Variants in TAF3 observed in about 807,000 individuals in gnomAD.
TAF3 encodes the protein TATA-box binding protein associated factor 3.
In TAF3, 7 loss-of-function variants were observed where a neutral mutation model predicts 80.6. The ratio of observed to expected loss-of-function variants is 0.09; its 90% CI spans 0.05 to 0.16. The LOEUF (loss-of-function observed/expected upper bound fraction) is 0.16, where lower values mean the gene tolerates loss of function less well. Ranked by LOEUF, TAF3 falls within the 10% of genes least tolerant of loss-of-function variation. The pLI is 1.00. For missense variants in TAF3, 921 were observed against 1,140.2 expected, an observed-to-expected ratio of 0.81 and a Z score of 2.77; for synonymous variants, 444 against 446.1, an observed-to-expected ratio of 1.00 and a Z score of 0.06.
At position 7,850,399 on chromosome 10, in the gene TAF3, G is replaced by A. The variant is rs548666477; in HGVS notation, c.409+25839G>A. Among the ~76,000 whole-genome samples, 12 of 152,276 alleles carry A rather than the reference G, an allele frequency of 7.9e-5. No homozygotes were observed. The South Asian group carries it at 2.3e-3, about 29-fold the overall frequency. On this transcript the variant is annotated intron_variant, in intron 2 of 6. Transcript: ENST00000344293. ...TAAAAACTAATACTATTTAAGGCTG[G>A]GAGCAGTGGCTCATGCCTTTAATCC...
chr10:7,911,240 A>G (rs1335950741), intron 2 of TAF3, among the ~76,000 whole-genome samples: 1 of 152,274 alleles, frequency 6.6e-6, no homozygotes, highest in South Asian at 2.1e-4. Flanking sequence ...GAAGGGACTG[A>G]GTATTCAAAC....
chr10:7,820,636 A>C (rs141172898), intron 1 of TAF3, among the ~76,000 whole-genome samples: 120 of 152,326 alleles, frequency 7.9e-4, no homozygotes, highest in African/African-American at 2.8e-3. Flanking sequence ...CTGGGACTAC[A>C]GGGATACGCC....
At position 8,014,816 on chromosome 10, in the gene TAF3, G is replaced by A; in HGVS notation, c.*65G>A. 3 of 1,418,544 alleles carry A rather than the reference G, an allele frequency of 2.1e-6. No individual in the cohort carries two copies. The highest frequency in any genetic ancestry group is 2.9e-6 in the Non-Finnish European group (3 of 1,045,324). The allele number at this position is 1,418,544 out of a possible 1,614,324, so 87.9% of individuals were successfully genotyped here. ...CTTCTTCCCTGGCGCCTCTGGAAGG[G>A]AGCTGGTGCAAGTCTGCCGTCACAT... On this transcript the variant is annotated 3_prime_UTR_variant, in exon 7 of 7. Transcript: ENST00000344293.
chr10:7,852,295 A>G (rs11255405), intron 2 of TAF3, among the ~76,000 whole-genome samples: 26,192 of 152,048 alleles, frequency 0.17, 2,297 homozygotes, highest in Admixed American at 0.23. Flanking sequence ...CACATTTTAA[A>G]TTTTCTCTCA....
chr10:8,012,777 A>G (rs1265860173), intron 5 of TAF3, among the ~76,000 whole-genome samples: 4 of 152,228 alleles, frequency 2.6e-5, no homozygotes, highest in Non-Finnish European at 5.9e-5. Flanking sequence ...TGGACCCCCA[A>G]TGCACCTGTC....
rs1431744679 is a variant in TAF3, at chr10:7,964,610, A to G, written c.1100A>G (p.Asp367Gly). ...IQVKQIQTPPDAGKLNSENQP... is the reference protein window; with the variant it reads ...IQVKQIQTPPGAGKLNSENQP... ...GTAAAACAAATACAGACACCCCCTG[A>G]TGCTGGGAAACTGAACAGTGAGAAT... is the stretch of plus-strand genomic sequence containing the variant. The change falls in exon 3 of 7, where the codon GAT (aspartate) becomes GGT (glycine). Residue 367 changes from aspartate (D) to glycine (G), a missense_variant. By Grantham distance (94) the Asp-to-Gly change is moderately conservative. This residue lies in a region of TAF3 where 743 missense variants were observed against 821.0 expected (regional missense o/e 0.90). Transcript: ENST00000344293. This position sits in a 1 kb window ranked among gnomAD's most constrained non-coding sequence, Gnocchi z 4.1. 1 of 1,614,168 alleles carries G rather than the reference A, an allele frequency of 6.2e-7. No homozygotes were observed. Among genetic ancestry groups the G allele is most frequent in the Non-Finnish European group, 8.5e-7 (1 of 1,180,034 alleles).
chr10:7,831,590 T>A (rs1457006542), intron 2 of TAF3, among the ~76,000 whole-genome samples: 1 of 152,178 alleles, frequency 6.6e-6, no homozygotes. Context: ...GTGATCCTCC[T>A]GCCTCGGCCT....
At position 7,964,634 on chromosome 10, in the gene TAF3, A is replaced by C. The variant is rs1463513821; in HGVS notation, c.1124A>C (p.Asn375Thr). 1 of 1,614,220 alleles carries C rather than the reference A, an allele frequency of 6.2e-7. No individual in the cohort carries two copies. The highest frequency in any genetic ancestry group is 2.2e-5 in the East Asian group (1 of 44,880). The change falls in exon 3 of 7, where the codon AAT becomes ACT. Residue 375 changes from asparagine to threonine, a missense_variant. Transcript: ENST00000344293. The surrounding 1 kb of genome is among the most constrained non-coding windows in gnomAD (Gnocchi z 4.1). Reference sequence around the variant, plus strand: ...GATGCTGGGAAACTGAACAGTGAGAATCAGCCGAAAAAGGCTGTGGTAGCA... The same window carrying C: ...GATGCTGGGAAACTGAACAGTGAGACTCAGCCGAAAAAGGCTGTGGTAGCA... ...PPDAGKLNSENQPKKAVVADK... is the reference protein window; with the variant it reads ...PPDAGKLNSETQPKKAVVADK...
chr10:7,865,591 G>T (rs1359253696), intron 2 of TAF3, among the ~76,000 whole-genome samples: 1 of 152,246 alleles, frequency 6.6e-6, no homozygotes, highest in Non-Finnish European at 1.5e-5. Context: ...GGTGGGCGTA[G>T]TAACAGGCCT....
At chr10:7,970,946 G>GT (rs958499228) in intron 3 of TAF3, among the ~76,000 whole-genome samples, 49 of 151,742 alleles carry the variant, frequency 3.2e-4, no homozygotes, top group African/African-American at 6.3e-4. Flanking sequence ...GAAATGAAGG[G>GT]TTTTTTTTGT....
At chr10:7,898,678 A>G (rs894833711) in intron 2 of TAF3, among the ~76,000 whole-genome samples, 5 of 152,068 alleles carry the variant, frequency 3.3e-5, no homozygotes, top group African/African-American at 1.2e-4. Flanking sequence ...TTCTTATAAA[A>G]CCGCTGTGCA....
chr10:7,891,177 G>A (rs766607616), intron 2 of TAF3, among the ~76,000 whole-genome samples: 16 of 152,080 alleles, frequency 1.1e-4, no homozygotes, highest in Non-Finnish European at 1.9e-4. Flanking sequence ...TTGGTTGCTG[G>A]TATAATTATT....
chr10:7,960,296 G>A (rs1838176783), intron 2 of TAF3, among the ~76,000 whole-genome samples: 1 of 152,190 alleles, frequency 6.6e-6, no homozygotes, highest in African/African-American at 2.4e-5. Context: ...TTGTCATTCT[G>A]ATAGCAAAAG....
intron 4 of TAF3, among the ~76,000 whole-genome samples, chr10:7,989,951 A>G (rs1831817636): frequency 6.6e-6 from 1 of 152,070 alleles, no homozygotes; most frequent in South Asian, 2.1e-4. Flanking sequence ...TGAATATAAT[A>G]TTTTTCTAAA....
intron 2 of TAF3, among the ~76,000 whole-genome samples, chr10:7,945,761 A>G (rs1005520528): frequency 1.3e-5 from 2 of 152,120 alleles, no homozygotes; most frequent in Admixed American, 1.3e-4. Flanking sequence ...TCTCTTCTCC[A>G]TCTTTAGACA....
At chr10:7,865,457 G>C (rs184718830) in intron 2 of TAF3, among the ~76,000 whole-genome samples, 9 of 151,396 alleles carry the variant, frequency 5.9e-5, no homozygotes, top group East Asian at 3.9e-4. Flanking sequence ...CCAGCCTGGG[G>C]GACAGAGTGA....
At chr10:7,956,627 A>G (rs879772034) in intron 2 of TAF3, among the ~76,000 whole-genome samples, 6 of 152,224 alleles carry the variant, frequency 3.9e-5, no homozygotes, top group Admixed American at 3.9e-4. Context: ...CCAGCTACCA[A>G]TTAAATATCT....
intron 5 of TAF3, among the ~76,000 whole-genome samples, chr10:8,011,645 C>T (rs949892145): frequency 6.6e-6 from 1 of 152,280 alleles, no homozygotes; most frequent in Non-Finnish European, 1.5e-5. Flanking sequence ...TTGGTCCATT[C>T]GGGGACCAAT....
At chr10:7,862,623 G>A (rs1020391076) in intron 2 of TAF3, among the ~76,000 whole-genome samples, 7 of 152,140 alleles carry the variant, frequency 4.6e-5, no homozygotes, top group Non-Finnish European at 1.0e-4. Context: ...AAATTATGAA[G>A]ATATCCATCA....
Sources: allele counts gnomAD v4.1 joint callset (sites outside exome capture counted in the v4.1 genomes callset), GRCh38; gene constraint gnomAD v4.1.1; regional missense constraint gnomAD v4.1.1; non-coding constraint Gnocchi (gnomAD v3.1); transcripts MANE v1.5; gene names NCBI Gene and HGNC (gene_info 2026-07-23, HGNC 2026-07-21).